NEO1: variants seen among roughly 807,000 people sequenced by gnomAD.
NEO1 encodes the protein neogenin 1, also known as neogenin.
Under a neutral mutation model 159.7 loss-of-function variants are expected in NEO1, and 63 were observed. The ratio of observed to expected loss-of-function variants is 0.39; its 90% CI spans 0.32 to 0.49. The LOEUF (loss-of-function observed/expected upper bound fraction) is 0.49. NEO1 is among the 20% of genes least tolerant of loss of function. The pLI is 0.85. For missense variants in NEO1, 1,615 were observed against 1,831.0 expected (o/e 0.88, Z 2.15); for synonymous variants, 633 against 662.0 (o/e 0.96, Z 0.67).
chr15:73,210,730 C>T (rs998364939), intron 7 of NEO1, among the ~76,000 whole-genome samples: 1 of 152,142 alleles, frequency 6.6e-6, no homozygotes, highest in African/African-American at 2.4e-5. Context: ...ATTACTTTTA[C>T]TGGCTCTTAG....
At chr15:73,252,209 A>G (rs1393488522) in intron 11 of NEO1, among the ~76,000 whole-genome samples, 1 of 152,204 alleles carries the variant, frequency 6.6e-6, no homozygotes, top group Non-Finnish European at 1.5e-5. Flanking sequence ...CTGGTCACCA[A>G]ATGTTAGAGA....
rs778928269 is a variant in NEO1, at chr15:73,266,285, AT to A, written c.2399-24del. The A allele has an allele frequency of 1.2e-5, 19 of 1,561,654 alleles. No individual in the cohort carries two copies. In the African/African-American group the frequency reaches 1.6e-4, roughly 13 times the overall value. On this transcript the variant is annotated intron_variant, in intron 15 of 28. Coordinates refer to ENST00000261908, the MANE Select transcript of NEO1 (RefSeq NM_002499.4). ...GAATTTTTAAAATTCTGTAGTGAGC[AT>A]TTTTTTAATGTGTGTTTCTTTTTTT...
chr15:73,223,905 T>C (rs2038428409), intron 7 of NEO1, among the ~76,000 whole-genome samples: 1 of 152,230 alleles, frequency 6.6e-6, no homozygotes, highest in South Asian at 2.1e-4. Context: ...TTGTGTGATT[T>C]ATGCTTTAAA....
rs548472928 is a variant in NEO1, at chr15:73,163,825, C to A, written c.1016-12578C>A. On this transcript the variant is annotated intron_variant, in intron 5 of 28. Transcript: ENST00000261908. ...AGTTTGTGTAATTATTATTCCTGTT[C>A]ATGAAATCATTGGGGTCCCTCCCCA... 5.3e-5 allele frequency among the ~76,000 whole-genome samples: 8 copies of A among 152,188 alleles called. No homozygotes were observed. The South Asian group carries it at 1.7e-3, about 32-fold the overall frequency.
chr15:73,281,315 C>T (rs1051196972), intron 22 of NEO1, among the ~76,000 whole-genome samples: 7 of 150,792 alleles, frequency 4.6e-5, no homozygotes, highest in Admixed American at 2.6e-4. Context: ...GAGTGCATGG[C>T]GCGATCTCCG....
intron 7 of NEO1, among the ~76,000 whole-genome samples, chr15:73,215,226 G>A (rs1180467370): frequency 2.0e-5 from 3 of 152,218 alleles, no homozygotes; most frequent in African/African-American, 7.2e-5. Context: ...TCAGCAAACA[G>A]TGACAGTTTG....
At chr15:73,198,820 A>G (rs1475660198) in intron 7 of NEO1, among the ~76,000 whole-genome samples, 1 of 151,912 alleles carries the variant, frequency 6.6e-6, no homozygotes, top group Non-Finnish European at 1.5e-5. Context: ...TATATTGTTA[A>G]GAAACTTTAT....
At chr15:73,200,196 A>G (rs1022504933) in intron 7 of NEO1, among the ~76,000 whole-genome samples, 16 of 152,088 alleles carry the variant, frequency 1.1e-4, no homozygotes, top group African/African-American at 3.4e-4. Context: ...ATCTTTAATT[A>G]TTGATTAAGT....
At chr15:73,261,505 C>T (rs2040617411) in intron 15 of NEO1, among the ~76,000 whole-genome samples, 1 of 152,092 alleles carries the variant, frequency 6.6e-6, no homozygotes, top group Non-Finnish European at 1.5e-5. Flanking sequence ...TATACAAAAA[C>T]AGTTGTATCT....
intron 7 of NEO1, among the ~76,000 whole-genome samples, chr15:73,182,376 A>G (rs1257974979): frequency 6.6e-6 from 1 of 152,184 alleles, no homozygotes; most frequent in East Asian, 1.9e-4. Flanking sequence ...TTTAGGATAT[A>G]AAGAGGTGCA....
intron 7 of NEO1, among the ~76,000 whole-genome samples, chr15:73,180,142 T>A (rs1254794241): frequency 6.6e-6 from 1 of 152,146 alleles, no homozygotes; most frequent in Non-Finnish European, 1.5e-5. Flanking sequence ...ACTTTAGACA[T>A]CTGATCTTTT....
chr15:73,271,191 G>A (rs2041151372), intron 18 of NEO1, among the ~76,000 whole-genome samples: 1 of 152,224 alleles, frequency 6.6e-6, no homozygotes, highest in Non-Finnish European at 1.5e-5. Context: ...GATTTGAAGA[G>A]TTAGAAATAC....
At chr15:73,269,746 A>G (rs1392684553) in intron 16 of NEO1, among the ~76,000 whole-genome samples, 3 of 152,232 alleles carry the variant, frequency 2.0e-5, no homozygotes, top group Non-Finnish European at 4.4e-5. Flanking sequence ...TCACTGGATT[A>G]TAACATTTTA....
chr15:73,138,330 A>C (rs1484631689), intron 5 of NEO1, among the ~76,000 whole-genome samples: 2 of 152,248 alleles, frequency 1.3e-5, no homozygotes. Context: ...ATGCATCCAA[A>C]ATGTGAGACA....
chr15:73,237,112 A>G (rs117684552), intron 8 of NEO1, among the ~76,000 whole-genome samples: 2,073 of 151,238 alleles, frequency 0.014, 18 homozygotes, highest in South Asian at 0.018. Context: ...CAGTCTAATC[A>G]CTATAGCCTT....
intron 3 of NEO1, among the ~76,000 whole-genome samples, chr15:73,125,725 A>C (rs750188003): frequency 3.9e-5 from 6 of 152,246 alleles, no homozygotes; most frequent in Non-Finnish European, 8.8e-5. Context: ...AAGTGAACAC[A>C]CATTAATTCT....
Position 73,122,576 on chromosome 15 carries a change from A to G in NEO1, c.500A>G (p.Asn167Ser). Reference sequence around the variant, plus strand: ...GAACCTTCCTCAGTTTATGCTGGGAACAATGCAATTCTGAATTGTGAAGTT... The same window carrying G: ...GAACCTTCCTCAGTTTATGCTGGGAGCAATGCAATTCTGAATTGTGAAGTT... ...QPEPSSVYAG[N>S]NAILNCEVNA... Residue 167 changes from asparagine (N) to serine (S), a missense_variant, in exon 3 of 29, where the codon AAC becomes AGC. Around this residue, in one of 3 missense-constraint regions of NEO1, gnomAD observed 1,018 missense variants for 1,115.4 expected, o/e 0.91. Transcript: ENST00000261908. 1 of 1,614,138 alleles carries G rather than the reference A, an allele frequency of 6.2e-7. No individual in the cohort carries two copies. Among genetic ancestry groups the G allele is most frequent in the Non-Finnish European group, 8.5e-7 (1 of 1,179,988 alleles).
chr15:73,224,488 G>A (rs1365344926), intron 7 of NEO1, among the ~76,000 whole-genome samples: 1 of 152,042 alleles, frequency 6.6e-6, no homozygotes, highest in Non-Finnish European at 1.5e-5. Flanking sequence ...AGACTTCCTG[G>A]AGGCTTTGTT....
intron 5 of NEO1, among the ~76,000 whole-genome samples, chr15:73,136,623 C>G (rs141428515): frequency 1.3e-5 from 2 of 152,336 alleles, no homozygotes; most frequent in African/African-American, 4.8e-5. Flanking sequence ...TCTCTTCATA[C>G]TTCTGATAAT....
Sources: gnomAD v4.1 joint callset for allele counts (sites outside exome capture counted in the v4.1 genomes callset) on GRCh38, gnomAD v4.1.1 for gene constraint, gnomAD v4.1.1 regional missense constraint, MANE v1.5 for transcripts, NCBI Gene and HGNC (gene_info 2026-07-23, HGNC 2026-07-21) for gene names.